ICA1: variants seen among roughly 807,000 people sequenced by gnomAD.
ICA1 encodes 69 kDa islet cell autoantigen.
In ICA1, 40 loss-of-function variants were observed where a neutral mutation model predicts 71.0. The observed-to-expected ratio is 0.56, with a 90% CI of 0.44 to 0.73. ICA1 has a LOEUF of 0.73. Ranked by LOEUF, ICA1 falls within the 30% of genes least tolerant of loss-of-function variation. ICA1 has a pLI of 0.00. For missense variants in ICA1, 578 were observed against 576.5 expected (o/e 1.00, Z -0.03); for synonymous variants, 207 against 209.5 (o/e 0.99, Z 0.10).
intron 1 of ICA1, among the ~76,000 whole-genome samples, chr7:8,257,638 T>A (rs1434896168): frequency 6.6e-6 from 1 of 152,192 alleles, no homozygotes; most frequent in Non-Finnish European, 1.5e-5. Context: ...CACCCTCTCT[T>A]AATTCATGTA....
intron 2 of ICA1, among the ~76,000 whole-genome samples, chr7:8,233,392 GTA>G: frequency 7.8e-6 from 1 of 128,576 alleles, no homozygotes; most frequent in Non-Finnish European, 1.6e-5. Context: ...CTTATTCTTG[GTA>G]TTTTTTTTTT....
intron 6 of ICA1, among the ~76,000 whole-genome samples, chr7:8,178,892 C>T (rs1020150604): frequency 3.9e-5 from 6 of 152,138 alleles, no homozygotes; most frequent in Non-Finnish European, 7.4e-5. Context: ...ACCAGGTGCT[C>T]TTATGGTGGA....
At chr7:8,157,554 C>T (rs1802077286) in intron 7 of ICA1, 1 of 264,306 alleles carries the variant, frequency 3.8e-6, no homozygotes, top group Non-Finnish European at 7.0e-6. Flanking sequence ...ATTTCTCCCT[C>T]TTTAAGCTGT....
intron 6 of ICA1, among the ~76,000 whole-genome samples, chr7:8,193,809 G>T (rs1786499005): frequency 1.3e-5 from 2 of 152,128 alleles, no homozygotes; most frequent in African/African-American, 2.4e-5. Flanking sequence ...CTAAGCAGAA[G>T]AGCTAACACA....
At chr7:8,191,530 G>A (rs948755237) in intron 6 of ICA1, among the ~76,000 whole-genome samples, 2 of 152,162 alleles carry the variant, frequency 1.3e-5, no homozygotes, top group Admixed American at 1.3e-4. Flanking sequence ...GGCTAATGTA[G>A]GCATTCTGAA....
At chr7:8,145,018 C>T (rs977935979) in intron 8 of ICA1, among the ~76,000 whole-genome samples, 6 of 152,070 alleles carry the variant, frequency 3.9e-5, no homozygotes, top group African/African-American at 1.4e-4. Context: ...GCAGAGCAGA[C>T]CTGTGATTGA....
intron 6 of ICA1, among the ~76,000 whole-genome samples, chr7:8,209,785 T>C (rs2128371240): frequency 6.6e-6 from 1 of 152,280 alleles, no homozygotes; most frequent in South Asian, 2.1e-4. Context: ...CTCAAAGTTT[T>C]ACAGGCACAA....
chr7:8,121,986 GA>G (rs1787147887), intron 13 of ICA1, among the ~76,000 whole-genome samples: 1 of 152,194 alleles, frequency 6.6e-6, no homozygotes, highest in Non-Finnish European at 1.5e-5. Flanking sequence ...TGGACTTGGG[GA>G]GCAGAAACAC....
intron 1 of ICA1, among the ~76,000 whole-genome samples, chr7:8,241,652 G>A (rs1367940905): frequency 6.6e-6 from 1 of 152,136 alleles, no homozygotes; most frequent in African/African-American, 2.4e-5. Flanking sequence ...CCATCAGTGT[G>A]CTGTATTCAG....
At chr7:8,115,295 G>A (rs143233630) in intron 13 of ICA1, among the ~76,000 whole-genome samples, 139 of 152,228 alleles carry the variant, frequency 9.1e-4, no homozygotes, top group African/African-American at 3.2e-3. Flanking sequence ...GAATCATCTG[G>A]TTTATCTTGA....
chr7:8,156,470 G>C (rs1203379515), intron 8 of ICA1: 1 of 157,950 alleles, frequency 6.3e-6, no homozygotes, highest in East Asian at 1.9e-4. Flanking sequence ...ATCTCAATAT[G>C]CATTCATCCT....
At chr7:8,120,591 T>G (rs1410105778) in intron 13 of ICA1, among the ~76,000 whole-genome samples, 4 of 152,178 alleles carry the variant, frequency 2.6e-5, no homozygotes, top group Non-Finnish European at 5.9e-5. Context: ...TCGGCCCATC[T>G]CAGAGTAGTT....
chr7:8,253,373 T>A (rs960759527), intron 1 of ICA1, among the ~76,000 whole-genome samples: 7 of 152,190 alleles, frequency 4.6e-5, no homozygotes, highest in Non-Finnish European at 8.8e-5. Context: ...TCAAATTAGA[T>A]TTATGTGAAT....
At chr7:8,184,477 AAC>A (rs1783257379) in intron 6 of ICA1, among the ~76,000 whole-genome samples, 1 of 152,210 alleles carries the variant, frequency 6.6e-6, no homozygotes, top group Non-Finnish European at 1.5e-5. Context: ...TAAGAGGTGA[AAC>A]AGTGCGGGGG....
rs1226825420 is a variant in ICA1, at chr7:8,223,752, A to T, written c.257-2354T>A. 6.6e-6 allele frequency among the ~76,000 whole-genome samples: 1 copy of T among 152,120 alleles called. No homozygotes were observed. Among genetic ancestry groups the T allele is most frequent in the African/African-American group, 2.4e-5 (1 of 41,416 alleles). ...AGACCAGCCTGTGCAACATAGCAAG[A>T]CCCCTGTCTCTATTACAAGAAGAAA... On this transcript the variant is annotated intron_variant, in intron 4 of 13. Coordinates refer to ENST00000402384, the MANE Select transcript of ICA1 (RefSeq NM_001136020.3). The surrounding 1 kb of genome is among the most constrained non-coding windows in gnomAD (Gnocchi z 4.1).
chr7:8,185,216 A>G (rs1783535055), intron 6 of ICA1, among the ~76,000 whole-genome samples: 1 of 152,266 alleles, frequency 6.6e-6, no homozygotes, highest in African/African-American at 2.4e-5. Context: ...TGAAAAATAA[A>G]AGTAAATTTT....
intron 6 of ICA1, among the ~76,000 whole-genome samples, chr7:8,183,342 G>A (rs979820077): frequency 2.0e-5 from 3 of 152,054 alleles, no homozygotes; most frequent in Admixed American, 6.5e-5. Flanking sequence ...TCTAACCCCC[G>A]TCTACAGATG....
At chr7:8,255,381 T>G (rs1583911779) in intron 1 of ICA1, among the ~76,000 whole-genome samples, 1 of 152,216 alleles carries the variant, frequency 6.6e-6, no homozygotes, top group Non-Finnish European at 1.5e-5. Flanking sequence ...TCAGGAAATA[T>G]TCTCCACACT....
chr7:8,206,833 T>C (rs1791765417), intron 6 of ICA1, among the ~76,000 whole-genome samples: 1 of 152,186 alleles, frequency 6.6e-6, no homozygotes, highest in East Asian at 1.9e-4. Flanking sequence ...GATTTCTTCA[T>C]TTATTTCACA....
Sources: gnomAD v4.1 joint callset for allele counts (sites outside exome capture counted in the v4.1 genomes callset) on GRCh38, gnomAD v4.1.1 for gene constraint, Gnocchi (gnomAD v3.1) non-coding constraint, MANE v1.5 for transcripts, NCBI Gene and HGNC (gene_info 2026-07-23, HGNC 2026-07-21) for gene names.